NYAP2: variants seen among roughly 807,000 people sequenced by gnomAD.
NYAP2 encodes the protein neuronal tyrosine-phosphorylated phosphoinositide-3-kinase adapter 2.
NYAP2 carries 23 observed loss-of-function variants against 50.4 expected under a neutral mutation model. The ratio of observed to expected loss-of-function variants is 0.46; its 90% CI spans 0.33 to 0.65. NYAP2 has a LOEUF of 0.65. Ranked by LOEUF, NYAP2 falls within the 30% of genes least tolerant of loss-of-function variation. NYAP2 has a pLI of 0.02. For missense variants in NYAP2, 885 were observed against 861.0 expected (o/e 1.03, Z -0.35); for synonymous variants, 394 against 365.2 (o/e 1.08, Z -0.90).
intron 4 of NYAP2, among the ~76,000 whole-genome samples, chr2:225,545,361 A>G (rs1048983004): frequency 1.3e-5 from 2 of 151,934 alleles, no homozygotes; most frequent in African/African-American, 4.8e-5. Context: ...TTTTATAGGC[A>G]TGCTTCATTG....
chr2:225,493,289 T>C (rs1690441612), intron 3 of NYAP2, among the ~76,000 whole-genome samples: 1 of 152,200 alleles, frequency 6.6e-6, no homozygotes. Flanking sequence ...ACCTGGCACA[T>C]AGCAACTTTT....
chr2:225,693,035 C>T, the NYAP2 span, among the ~76,000 whole-genome samples: 1 of 152,072 alleles, frequency 6.6e-6, no homozygotes, highest in African/African-American at 2.4e-5. Flanking sequence ...TAATATCTTA[C>T]ATTACCATGG....
intron 3 of NYAP2, among the ~76,000 whole-genome samples, chr2:225,470,397 A>T (rs1010947705): frequency 1.3e-5 from 2 of 152,214 alleles, no homozygotes; most frequent in African/African-American, 2.4e-5. Flanking sequence ...TGACCTATTC[A>T]TGAGCACTAT....
At chr2:225,464,751 G>T (rs1363042207) in intron 3 of NYAP2, among the ~76,000 whole-genome samples, 1 of 152,252 alleles carries the variant, frequency 6.6e-6, no homozygotes. Flanking sequence ...CCCATAGGTG[G>T]TTTGGTGGGG....
the NYAP2 span, among the ~76,000 whole-genome samples, chr2:225,663,229 C>CCAAA: frequency 0.022 from 3,379 of 152,202 alleles, 139 homozygotes; most frequent in African/African-American, 0.077. Flanking sequence ...TCTCTTGAAT[C>CCAAA]CAAACAAGTC....
At chr2:225,443,941 G>GC (rs1211963160) in intron 3 of NYAP2, among the ~76,000 whole-genome samples, 1 of 152,164 alleles carries the variant, frequency 6.6e-6, no homozygotes, top group Non-Finnish European at 1.5e-5. Context: ...TGATCTGCCA[G>GC]CCCCCAAGAA....
chr2:225,487,205 A>G (rs1232724929), intron 3 of NYAP2, among the ~76,000 whole-genome samples: 1 of 152,190 alleles, frequency 6.6e-6, no homozygotes, highest in Non-Finnish European at 1.5e-5. Flanking sequence ...GCCACAAGCT[A>G]GTATTTCGGC....
rs115093739 is a variant in NYAP2 at position 225,500,249 on chromosome 2, G to A, written c.222-13122G>A. Among the ~76,000 whole-genome samples, 554 of 152,322 alleles carry A rather than the reference G, an allele frequency of 3.6e-3. 4 individuals carry two copies. Among genetic ancestry groups the A allele is most frequent in the African/African-American group, 0.012 (507 of 41,570 alleles). On this transcript the variant is annotated intron_variant, in intron 3 of 6. Transcript: ENST00000636099. The stretch of plus-strand genomic sequence containing the variant: ...GTTTCCTAAAGCTTGCAGTCATAAA[G>A]AGGTGTGTACTACGTGTAACTGCAG...
At chr2:225,522,161 C>T (rs1031290173) in intron 4 of NYAP2, among the ~76,000 whole-genome samples, 2 of 152,068 alleles carry the variant, frequency 1.3e-5, no homozygotes, top group African/African-American at 4.8e-5. Flanking sequence ...TGATTCTTCT[C>T]TCTTTTCTTC....
chr2:225,478,257 G>C (rs1690149955), intron 3 of NYAP2, among the ~76,000 whole-genome samples: 1 of 152,128 alleles, frequency 6.6e-6, no homozygotes, highest in African/African-American at 2.4e-5. Context: ...ATATATGGAG[G>C]ATGAAGAGTC....
intron 3 of NYAP2, among the ~76,000 whole-genome samples, chr2:225,476,493 A>C (rs528465038): frequency 7.9e-5 from 12 of 152,280 alleles, no homozygotes; most frequent in Non-Finnish European, 1.5e-4. Flanking sequence ...TAATGCCTTT[A>C]CCCAGCAATG....
At chr2:225,417,048 T>G (rs1695136641) in intron 3 of NYAP2, among the ~76,000 whole-genome samples, 1 of 152,136 alleles carries the variant, frequency 6.6e-6, no homozygotes, top group Non-Finnish European at 1.5e-5. Flanking sequence ...CCTGTTGAGG[T>G]CTATTTTTTA....
chr2:225,515,734 G>A (rs886495071), intron 4 of NYAP2, among the ~76,000 whole-genome samples: 1 of 152,218 alleles, frequency 6.6e-6, no homozygotes, highest in Non-Finnish European at 1.5e-5. Context: ...TATTTTCTGT[G>A]ATTCTCTGTG....
intron 3 of NYAP2, among the ~76,000 whole-genome samples, chr2:225,462,431 G>A (rs1689848408): frequency 6.6e-6 from 1 of 151,626 alleles, no homozygotes; most frequent in Non-Finnish European, 1.5e-5. Context: ...TTTCTTTTGT[G>A]CCTTGAGAAG....
At chr2:225,639,799 T>C (rs1473669435) in intron 6 of NYAP2, among the ~76,000 whole-genome samples, 1 of 152,208 alleles carries the variant, frequency 6.6e-6, no homozygotes. Context: ...CAATCGGTGA[T>C]GAAAGGAGAG....
At chr2:225,412,631 A>C (rs1695065862) in intron 3 of NYAP2, among the ~76,000 whole-genome samples, 1 of 152,138 alleles carries the variant, frequency 6.6e-6, no homozygotes, top group Non-Finnish European at 1.5e-5. Context: ...AAACCATCAG[A>C]GCAGCTGAGA....
chr2:225,413,196 A>G (rs1695074961), intron 3 of NYAP2, among the ~76,000 whole-genome samples: 1 of 152,166 alleles, frequency 6.6e-6, no homozygotes. Flanking sequence ...GAGATTTCTC[A>G]AGTGTCTTTC....
At chr2:225,447,243 C>T (rs1689577684) in intron 3 of NYAP2, among the ~76,000 whole-genome samples, 1 of 152,182 alleles carries the variant, frequency 6.6e-6, no homozygotes, top group Non-Finnish European at 1.5e-5. Context: ...TTCCCTTCTA[C>T]CTCTAGATTA....
At chr2:225,560,119 A>G (rs1691846332) in intron 4 of NYAP2, among the ~76,000 whole-genome samples, 2 of 152,070 alleles carry the variant, frequency 1.3e-5, no homozygotes, top group African/African-American at 4.8e-5. Context: ...CAAGTCATAG[A>G]CAAATTTTTC....
Sources: allele counts gnomAD v4.1 joint callset (sites outside exome capture counted in the v4.1 genomes callset), GRCh38; gene constraint gnomAD v4.1.1; transcripts MANE v1.5; gene names NCBI Gene and HGNC (gene_info 2026-07-23, HGNC 2026-07-21).